Variants in RGS18 observed in about 807,000 individuals in gnomAD.
RGS18 encodes the protein regulator of G-protein signaling 18.
In RGS18, 22 loss-of-function variants were observed where a neutral mutation model predicts 27.6. That is an observed-to-expected ratio of 0.80 (90% CI 0.57 to 1.14). The LOEUF is 1.14. Ranked by LOEUF, RGS18 falls within the 50% of genes most tolerant of loss-of-function variation. The pLI is 0.00. For synonymous variants in RGS18, 89 were observed against 84.6 expected (o/e 1.05, Z -0.29); for missense variants, 299 against 269.6 (o/e 1.11, Z -0.76).
rs974233430 is a variant in RGS18, at chr1:192,180,658, A to G, written c.284-634A>G. On this transcript the variant is annotated intron_variant, in intron 3 of 4. Transcript: ENST00000367460. The stretch of plus-strand genomic sequence containing the variant: ...AAATTTTCAGACACTTAACGTTTCC[A>G]CTCTATAAACATGACCTACCACCTT... Among the ~76,000 whole-genome samples the G allele has an allele frequency of 1.3e-5, 2 of 151,542 alleles. 1 individual carries two copies. The highest frequency in any genetic ancestry group is 4.1e-4 in the South Asian group (2 of 4,828).
chr1:192,166,591 A>T (rs191386056), intron 3 of RGS18, among the ~76,000 whole-genome samples: 2 of 152,294 alleles, frequency 1.3e-5, no homozygotes, highest in Non-Finnish European at 2.9e-5. Flanking sequence ...TAGAAAAAAA[A>T]AATGGATAAA....
chr1:192,172,295 T>C (rs1212272223), intron 3 of RGS18, among the ~76,000 whole-genome samples: 1 of 151,956 alleles, frequency 6.6e-6, no homozygotes, highest in African/African-American at 2.4e-5. Flanking sequence ...CTTGAAAGAC[T>C]GGATTAGTTC....
At chr1:192,161,028 T>C (rs1656060895) in intron 3 of RGS18, among the ~76,000 whole-genome samples, 1 of 152,070 alleles carries the variant, frequency 6.6e-6, no homozygotes, top group South Asian at 2.1e-4. Context: ...TTTTTTGTAT[T>C]TTTAGTAGAG....
intron 3 of RGS18, among the ~76,000 whole-genome samples, chr1:192,174,461 T>C (rs550592120): frequency 2.0e-5 from 3 of 151,956 alleles, no homozygotes; most frequent in South Asian, 2.1e-4. Context: ...GTTTAAGTTT[T>C]ATATATTGTC....
rs1456321074 is a variant in RGS18 at position 192,185,250 on chromosome 1, A to C, written c.*696A>C. The C allele has an allele frequency of 6.6e-6, 1 of 151,636 alleles. No homozygotes were observed. Among genetic ancestry groups the C allele is most frequent in the Non-Finnish European group, 1.5e-5 (1 of 67,724 alleles). The allele number at this position is 151,636 out of a possible 1,614,324, so 9.4% of individuals were successfully genotyped here. ...TGAACATGGACGTACCCAGTTATAC[A>C]AAGTACTTCTGTTGGTCACAGAAAC... On this transcript the variant is annotated 3_prime_UTR_variant, in exon 5 of 5. Transcript: ENST00000367460.
At chr1:192,160,754 A>G (rs1225524106) in intron 3 of RGS18, 1 of 277,158 alleles carries the variant, frequency 3.6e-6, no homozygotes, top group African/African-American at 2.2e-5. Flanking sequence ...TTAACGAACT[A>G]TTCATGTTAG....
intron 4 of RGS18, among the ~76,000 whole-genome samples, chr1:192,182,235 A>G (rs527491209): frequency 6.6e-5 from 10 of 151,682 alleles, no homozygotes; most frequent in Admixed American, 6.6e-4. Context: ...ATCGTATGAT[A>G]GTTTTATTTT....
At position 192,159,286 on chromosome 1, in the gene RGS18, C is replaced by T. The variant is rs1656029091; in HGVS notation, c.186C>T (p.Arg62=). 1.9e-6 allele frequency: 3 copies of T among 1,613,540 alleles called. No individual in the cohort carries two copies. The highest frequency in any genetic ancestry group is 2.5e-6 in the Non-Finnish European group (3 of 1,179,506). The change falls in exon 2 of 5, where the codon CGC becomes CGT. Residue 62 remains arginine, a synonymous_variant. Coordinates refer to ENST00000367460, the MANE Select transcript of RGS18 (RefSeq NM_130782.3). ...VQKPEFHEDT[R]SSRSGHLAKE... ...AACCTGAGTTTCATGAAGACACCCG[C>T]TCCAGTAGATCTGGGCACTTGGCCA...
At position 192,181,319 on chromosome 1, in the gene RGS18, T is replaced by C; in HGVS notation, c.311T>C (p.Leu104Pro). The change falls in exon 4 of 5, where the codon CTT (leucine) becomes CCT (proline). Residue 104 changes from leucine to proline, a missense_variant. Leu to Pro is a moderately conservative substitution (Grantham distance 98). Coordinates refer to ENST00000367460, the MANE Select transcript of RGS18 (RefSeq NM_130782.3). ...GGACTAGAGGCTTTTACCAGATTTC[T>C]TAAAACTGAATTCAGTGAAGAAAAT... is the stretch of plus-strand genomic sequence containing the variant. ...RDGLEAFTRF[L>P]KTEFSEENIE... 6.4e-7 allele frequency: 1 copy of C among 1,554,552 alleles called. No individual in the cohort carries two copies. Among genetic ancestry groups the C allele is most frequent in the African/African-American group, 1.4e-5 (1 of 72,150 alleles).
At chr1:192,170,144 G>A (rs1426464636) in intron 3 of RGS18, among the ~76,000 whole-genome samples, 5 of 152,114 alleles carry the variant, frequency 3.3e-5, no homozygotes, top group African/African-American at 4.8e-5. Flanking sequence ...TTCTTTTACA[G>A]ACCTAAACAT....
rs1656171809 is a variant in RGS18 at position 192,166,855 on chromosome 1, A to G, written c.283+6416A>G. 2.6e-5 allele frequency among the ~76,000 whole-genome samples: 4 copies of G among 152,196 alleles called. No individual in the cohort carries two copies. The South Asian group carries it at 8.3e-4, about 31-fold the overall frequency. ...TGCAGGGTTTTGTAAGTGCACACCT[A>G]AAATATGGAAGGCTGACTTATAGAA... On this transcript the variant is annotated intron_variant, in intron 3 of 4. Transcript: ENST00000367460.
intron 3 of RGS18, among the ~76,000 whole-genome samples, chr1:192,170,699 A>G (rs772074322): frequency 6.6e-5 from 10 of 152,068 alleles, no homozygotes; most frequent in Non-Finnish European, 8.8e-5. Context: ...AAAACCATAG[A>G]CTAAGTAATA....
At chr1:192,167,908 G>T (rs567105795) in intron 3 of RGS18, 1 of 152,214 alleles carries the variant, frequency 6.6e-6, no homozygotes, top group African/African-American at 2.4e-5. Context: ...ATGGTACTTG[G>T]GTTTCCAACT....
In RGS18 at chr1:192,185,379, A is replaced by G. The variant is rs369206546; in HGVS notation, c.*825A>G. The G allele has an allele frequency of 4.6e-5, 7 of 151,620 alleles. No homozygotes were observed. In the East Asian group the frequency reaches 1.4e-3, roughly 30 times the overall value. 9.4% of individuals were successfully genotyped at this position (151,620 alleles called of 1,614,324 possible). A position where few individuals can be genotyped will look rare whatever the true frequency, so the allele number is the denominator to read the frequency against. ...CTATTAGGCCATCAATGGCTTGAAT[A>G]AAAACCAGAGAAGGTTTTTCCCAGG... On this transcript the variant is annotated 3_prime_UTR_variant, in exon 5 of 5. Transcript: ENST00000367460.
chr1:192,168,655 A>T (rs1656202749), intron 3 of RGS18: 1 of 152,214 alleles, frequency 6.6e-6, no homozygotes, highest in Non-Finnish European at 1.5e-5. Context: ...TTCCTCTGCT[A>T]CTTTGAACAG....
chr1:192,165,601 C>T (rs1044387878), intron 3 of RGS18, among the ~76,000 whole-genome samples: 1 of 152,192 alleles, frequency 6.6e-6, no homozygotes, highest in African/African-American at 2.4e-5. Context: ...CCCTTTATTT[C>T]TCAGACTGGC....
At chr1:192,164,557 G>GCA (rs1656130788) in intron 3 of RGS18, among the ~76,000 whole-genome samples, 1 of 151,998 alleles carries the variant, frequency 6.6e-6, no homozygotes, top group African/African-American at 2.4e-5. Context: ...ATGCATCAGT[G>GCA]TTGTTTCAGT....
intron 3 of RGS18, among the ~76,000 whole-genome samples, chr1:192,176,464 C>G (rs1319412632): frequency 5.9e-5 from 9 of 151,700 alleles, no homozygotes; most frequent in Non-Finnish European, 1.0e-4. Context: ...TTCTTCTCAT[C>G]TGTTGCCAGT....
intron 3 of RGS18, among the ~76,000 whole-genome samples, chr1:192,179,540 A>G (rs1656414479): frequency 6.6e-6 from 1 of 151,606 alleles, no homozygotes; most frequent in Non-Finnish European, 1.5e-5. Flanking sequence ...ACTGAAAAAA[A>G]AAGAAATAAC....
Sources: gnomAD v4.1 joint callset for allele counts (sites outside exome capture counted in the v4.1 genomes callset) on GRCh38, gnomAD v4.1.1 for gene constraint, MANE v1.5 for transcripts, NCBI Gene and HGNC (gene_info 2026-07-23, HGNC 2026-07-21) for gene names.